FRMD4B: variants seen among roughly 807,000 people sequenced by gnomAD.
FRMD4B encodes the protein FERM domain-containing protein 4B.
Under a neutral mutation model 141.5 loss-of-function variants are expected in FRMD4B, and 74 were observed. The ratio of observed to expected loss-of-function variants is 0.52; its 90% confidence interval spans 0.43 to 0.63. The LOEUF is 0.63. Among genes scored for constraint, FRMD4B ranks in the 30% least tolerant of loss-of-function variants. FRMD4B has a pLI of 0.00. For synonymous variants in FRMD4B, 506 were observed against 467.9 expected (o/e 1.08, Z -1.05); for missense variants, 1,366 against 1,253.4 (o/e 1.09, Z -1.36).
At chr3:69,354,015 G>C (rs1212151909) in intron 1 of FRMD4B, among the ~76,000 whole-genome samples, 2 of 152,148 alleles carry the variant, frequency 1.3e-5, no homozygotes, top group African/African-American at 4.8e-5. Context: ...TGCATGTTCT[G>C]GATGAGGCTG....
chr3:69,441,444 T>A (rs1705340644), intron 1 of FRMD4B, among the ~76,000 whole-genome samples: 1 of 152,196 alleles, frequency 6.6e-6, no homozygotes, highest in Admixed American at 6.5e-5. Flanking sequence ...GGTTCAGATG[T>A]CTTCTCTCAG....
intron 3 of FRMD4B, among the ~76,000 whole-genome samples, chr3:69,302,915 T>C (rs1268837628): frequency 1.3e-5 from 2 of 150,114 alleles, no homozygotes; most frequent in Non-Finnish European, 3.0e-5. Context: ...TCTACTAAAA[T>C]AAAAAAAAAT....
intron 4 of FRMD4B, among the ~76,000 whole-genome samples, chr3:69,289,463 A>T (rs770057224): frequency 6.6e-6 from 1 of 152,178 alleles, no homozygotes; most frequent in Non-Finnish European, 1.5e-5. Context: ...ATTAGTGTCC[A>T]CTGCCCCGGA....
intron 21 of FRMD4B, among the ~76,000 whole-genome samples, chr3:69,180,295 A>ATCAATGCC (rs2092692167): frequency 1.3e-5 from 2 of 150,994 alleles, no homozygotes; most frequent in South Asian, 4.2e-4. Flanking sequence ...ACAGTGCTTA[A>ATCAATGCC]TCAATGCCAG....
chr3:69,342,403 T>C (rs987616013), intron 1 of FRMD4B, among the ~76,000 whole-genome samples: 1 of 152,218 alleles, frequency 6.6e-6, no homozygotes, highest in South Asian at 2.1e-4. Context: ...GATTCAAATG[T>C]GGGCTAATGA....
chr3:69,250,043 C>T lies in FRMD4B; in HGVS notation c.558G>A (p.Gln186=). The change falls in exon 6 of 23, where the codon CAG becomes CAA. Residue 186 remains glutamine, a splice_region_variant and synonymous_variant. Transcript: ENST00000398540. The stretch of plus-strand genomic sequence containing the variant: ...TAAGAGGCAGTTTGTCCAATCTTAC[C>T]TGTAAAATAAACGCTGCTAACTTGA... ...TIFKLAAFIL[Q]EAKGDYTSDE... 1 of 1,601,784 alleles carries T rather than the reference C, an allele frequency of 6.2e-7. No homozygotes were observed. The highest frequency in any genetic ancestry group is 1.1e-5 in the South Asian group (1 of 90,870).
At chr3:69,463,914 C>T (rs1705741417) in intron 1 of FRMD4B, among the ~76,000 whole-genome samples, 1 of 152,198 alleles carries the variant, frequency 6.6e-6, no homozygotes. Context: ...AGAAAGATTA[C>T]TGGGTATCAC....
intron 2 of FRMD4B, among the ~76,000 whole-genome samples, chr3:69,425,660 A>T (rs534097481): frequency 1.3e-5 from 2 of 152,322 alleles, no homozygotes; most frequent in South Asian, 4.1e-4. Flanking sequence ...AGGTGAAGTA[A>T]ATTCCCAATT....
intron 1 of FRMD4B, among the ~76,000 whole-genome samples, chr3:69,323,608 G>GTATGTATATATA (rs1553723965): frequency 3.0e-5 from 3 of 101,672 alleles, no homozygotes; most frequent in African/African-American, 1.1e-4. Flanking sequence ...CTCTCTCTGT[G>GTATGTATATATA]TATATATATA....
chr3:69,350,413 T>C, intron 1 of FRMD4B, among the ~76,000 whole-genome samples: 1 of 152,176 alleles, frequency 6.6e-6, no homozygotes, highest in South Asian at 2.1e-4. Flanking sequence ...GAAGACAGTG[T>C]GGCGATTCCT....
rs547289018 is a variant in FRMD4B, at chr3:69,502,514, C to T, written c.-129+39692G>A. ...CTGAAACTGGATCCCTTTCTTACAC[C>T]TTATACAAAAATTAATTCAAGATGG... On this transcript the variant is annotated intron_variant, in intron 1 of 5. Transcript: ENST00000459638. 3.8e-4 allele frequency among the ~76,000 whole-genome samples: 58 copies of T among 152,200 alleles called. 2 individuals are homozygous for T. The highest frequency in any genetic ancestry group is 1.1e-3 in the African/African-American group (46 of 41,536).
At chr3:69,350,562 T>G (rs997529924) in intron 1 of FRMD4B, among the ~76,000 whole-genome samples, 4 of 152,052 alleles carry the variant, frequency 2.6e-5, no homozygotes, top group Non-Finnish European at 4.4e-5. Context: ...TAGCAAAGAC[T>G]TGGAACCAAT....
intron 1 of FRMD4B, among the ~76,000 whole-genome samples, chr3:69,345,681 C>T (rs577957283): frequency 1.1e-4 from 16 of 152,314 alleles, no homozygotes; most frequent in African/African-American, 3.4e-4. Context: ...GAGCAATATT[C>T]GCTGTTCTGC....
intron 21 of FRMD4B, among the ~76,000 whole-genome samples, chr3:69,179,789 T>A (rs955006607): frequency 6.6e-6 from 1 of 152,174 alleles, no homozygotes; most frequent in Admixed American, 6.5e-5. Flanking sequence ...TTGCTTAATT[T>A]TTAAACATTC....
intron 1 of FRMD4B, among the ~76,000 whole-genome samples, chr3:69,477,701 G>A (rs1706027685): frequency 6.6e-6 from 1 of 151,748 alleles, no homozygotes; most frequent in African/African-American, 2.4e-5. Flanking sequence ...TTTGGTATCA[G>A]GATGATGCTG....
intron 19 of FRMD4B, among the ~76,000 whole-genome samples, chr3:69,185,583 G>GT (rs2092757752): frequency 6.6e-6 from 1 of 152,082 alleles, no homozygotes; most frequent in Non-Finnish European, 1.5e-5. Context: ...TGATTCCCAT[G>GT]TTTACTAGTT....
chr3:69,200,738 A>ATC, intron 11 of FRMD4B: 6 of 1,115,254 alleles, frequency 5.4e-6, no homozygotes, highest in Non-Finnish European at 7.2e-6. Context: ...CCTAGGAAGT[A>ATC]AGTTGCTTTG....
At chr3:69,240,301 GA>G (rs1299247377) in intron 7 of FRMD4B, among the ~76,000 whole-genome samples, 11 of 151,670 alleles carry the variant, frequency 7.3e-5, no homozygotes, top group Non-Finnish European at 1.6e-4. Context: ...CTAACATGGT[GA>G]AAACCCATCT....
chr3:69,227,590 A>T (rs1028913757), intron 7 of FRMD4B, among the ~76,000 whole-genome samples: 1 of 151,738 alleles, frequency 6.6e-6, no homozygotes, highest in African/African-American at 2.4e-5. Flanking sequence ...TGAACCCAGG[A>T]GGCGGAAGTT....
Sources: allele counts gnomAD v4.1 joint callset (sites outside exome capture counted in the v4.1 genomes callset), GRCh38; gene constraint gnomAD v4.1.1; transcripts MANE v1.5; gene names NCBI Gene and HGNC (gene_info 2026-07-23, HGNC 2026-07-21).